The following CFAP68 variants were observed in gnomAD, a reference collection of about 807,000 sequenced individuals.
The protein encoded by CFAP68 is cilia- and flagella-associated protein 68.
At chr11:111,884,734 A>G in the CFAP68 span, 6 of 152,264 alleles carry the variant, frequency 3.9e-5, no homozygotes, top group Admixed American at 3.3e-4. Flanking sequence ...TAGACAGGCT[A>G]GTCTAATGAA....
the CFAP68 span, among the ~76,000 whole-genome samples, chr11:111,882,875 A>G: frequency 1.3e-5 from 2 of 152,216 alleles, no homozygotes; most frequent in African/African-American, 2.4e-5. Flanking sequence ...ACAGAAATTT[A>G]TAATGTCTTC....
the CFAP68 span, chr11:111,883,048 T>A: frequency 3.1e-6 from 3 of 957,132 alleles, no homozygotes; most frequent in Non-Finnish European, 4.9e-6. Flanking sequence ...AATATGACAG[T>A]CCGTGAGAAT....
chr11:111,883,731 T>C, the CFAP68 span: 4 of 1,423,514 alleles, frequency 2.8e-6, no homozygotes, highest in South Asian at 4.6e-5. Flanking sequence ...GTGTTGACTG[T>C]TTTCATTTGT....
At chr11:111,883,214 GT>G in the CFAP68 span, 5 of 1,554,366 alleles carry the variant, frequency 3.2e-6, no homozygotes, top group South Asian at 1.2e-5. Context: ...TACGTGGACT[GT>G]TTTTTCAAAT....
the CFAP68 span, chr11:111,882,480 A>G: frequency 2.5e-6 from 4 of 1,614,166 alleles, no homozygotes; most frequent in East Asian, 2.2e-5. Context: ...TTTTTCCAGT[A>G]TGGATGGCGA....
At chr11:111,883,701 T>A in the CFAP68 span, 1 of 1,024,092 alleles carries the variant, frequency 9.8e-7, no homozygotes, top group Non-Finnish European at 1.5e-6. Flanking sequence ...AAGAGCAAGA[T>A]CAGTTACTAA....
chr11:111,884,475 A>AG, the CFAP68 span: 2 of 148,836 alleles, frequency 1.3e-5, no homozygotes, highest in African/African-American at 4.9e-5. Flanking sequence ...CTCTGTCTCA[A>AG]AAAAAAAAAA....
chr11:111,881,402 C>T, the CFAP68 span: 3 of 1,526,462 alleles, frequency 2.0e-6, no homozygotes, highest in Non-Finnish European at 2.6e-6. Context: ...TTGTTTCTGC[C>T]TGTGGAAAGG....
At chr11:111,879,609 C>T in the CFAP68 span, 2 of 1,611,920 alleles carry the variant, frequency 1.2e-6, no homozygotes, top group Middle Eastern at 1.7e-4. Flanking sequence ...CTTCCAGGTG[C>T]TTAAATCTCC....
the CFAP68 span, among the ~76,000 whole-genome samples, chr11:111,880,501 T>G: frequency 1.3e-5 from 2 of 152,162 alleles, no homozygotes; most frequent in Non-Finnish European, 2.9e-5. Context: ...GAGATGGTGA[T>G]GAGAGTGATC....
the CFAP68 span, chr11:111,885,631 AAC>A: frequency 2.0e-5 from 3 of 152,216 alleles, no homozygotes; most frequent in African/African-American, 7.2e-5. Context: ...TTAGGAAATC[AAC>A]AGTCTTAATT....
At chr11:111,881,614 AG>A in the CFAP68 span, 6 of 1,532,320 alleles carry the variant, frequency 3.9e-6, no homozygotes, top group Non-Finnish European at 5.2e-6. Context: ...TCTTCAGGAA[AG>A]GTATCATCTT....
the CFAP68 span, chr11:111,881,454 G>A: frequency 2.0e-6 from 3 of 1,535,836 alleles, no homozygotes; most frequent in East Asian, 7.3e-5. Context: ...CTTGCCCATG[G>A]TAATCTGGGT....
chr11:111,880,623 C>T, the CFAP68 span: 6 of 328,200 alleles, frequency 1.8e-5, no homozygotes, highest in South Asian at 1.4e-4. Flanking sequence ...ATGAATTAAT[C>T]CACCCCTTGT....
chr11:111,881,429 C>A, the CFAP68 span: 1 of 1,534,348 alleles, frequency 6.5e-7, no homozygotes, highest in South Asian at 1.2e-5. Context: ...GGTGGTGACT[C>A]CCAAATCATG....
chr11:111,883,612 A>AAGGTGAAT, the CFAP68 span, among the ~76,000 whole-genome samples: 2 of 152,122 alleles, frequency 1.3e-5, no homozygotes, highest in Non-Finnish European at 2.9e-5. Context: ...AAAGAAAAAA[A>AAGGTGAAT]AGGTGAATAA....
the CFAP68 span, chr11:111,880,805 C>G: frequency 8.8e-6 from 4 of 456,256 alleles, no homozygotes; most frequent in South Asian, 6.2e-5. Context: ...AGGACCCCTT[C>G]CGGTAACAAG....
the CFAP68 span, chr11:111,882,315 T>G: frequency 1.1e-5 from 17 of 1,495,706 alleles, no homozygotes; most frequent in East Asian, 3.6e-4. Flanking sequence ...AAAAGATGCT[T>G]TTTCTCTTCT....
At chr11:111,881,709 T>C in the CFAP68 span, 3 of 1,366,664 alleles carry the variant, frequency 2.2e-6, no homozygotes, top group Non-Finnish European at 2.9e-6. Context: ...AATCAGACAT[T>C]GATCATCTGG....
Sources: allele counts gnomAD v4.1 joint callset (sites outside exome capture counted in the v4.1 genomes callset), GRCh38; gene constraint gnomAD v4.1.1; transcripts MANE v1.5; gene names NCBI Gene and HGNC (gene_info 2026-07-23, HGNC 2026-07-21).